TRIO: variants seen among roughly 807,000 people sequenced by gnomAD.
TRIO encodes the protein trio Rho guanine nucleotide exchange factor, also known as triple functional domain protein.
Under a neutral mutation model 351.9 loss-of-function variants are expected in TRIO, and 58 were observed. The ratio of observed to expected loss-of-function variants is 0.16; its 90% CI spans 0.13 to 0.21. The LOEUF is 0.21. TRIO is among the 10% of genes least tolerant of loss of function. The pLI is 1.00. For missense variants in TRIO, 3,201 were observed against 4,027.8 expected, an observed-to-expected ratio of 0.79 and a Z score of 5.56; for synonymous variants, 1,758 against 1,595.7, an observed-to-expected ratio of 1.10 and a Z score of -2.42.
Position 14,461,287 on chromosome 5 carries a change from C to T in TRIO, c.5472C>T (p.Thr1824=). The T allele has an allele frequency of 2.5e-6, 4 of 1,591,696 alleles. No homozygotes were observed. The South Asian group carries it at 4.5e-5, about 18-fold the overall frequency. The change falls in exon 35 of 57, where the codon ACC becomes ACT. Residue 1824 remains threonine (T), a synonymous_variant. Transcript: ENST00000344204. ...SQKDSDDSAA[T]PQDETVEERG... Reference sequence around the variant, plus strand: ...AGGACTCCGACGACAGTGCGGCCACCCCGCAGGACGAGACGGTCGAGGAGG... The same window carrying T: ...AGGACTCCGACGACAGTGCGGCCACTCCGCAGGACGAGACGGTCGAGGAGG...
At chr5:14,490,272 C>G (rs1266563780) in intron 48 of TRIO, among the ~76,000 whole-genome samples, 1 of 152,196 alleles carries the variant, frequency 6.6e-6, no homozygotes, top group African/African-American at 2.4e-5. Context: ...GAGGGAGACT[C>G]CGTCTCAAAA....
chr5:14,316,586 C>T lies in TRIO; in HGVS notation c.1574C>T (p.Thr525Ile). ...PLTPGSSDSLTASANYSKAVH... is the reference protein window; with the variant it reads ...PLTPGSSDSLIASANYSKAVH... ...ACTCCCGGCAGCTCCGATTCCCTGA[C>T]AGCCTCTGCCAACTACTCCAAGGCC... Residue 525 changes from threonine (T) to isoleucine (I), a missense_variant, in exon 9 of 57, where the codon ACA (threonine) becomes ATA (isoleucine). Physicochemically the swap from Thr to Ile is moderately conservative, Grantham distance 89. Transcript: ENST00000344204. 6.2e-7 allele frequency: 1 copy of T among 1,614,240 alleles called. No homozygotes were observed. Among genetic ancestry groups the T allele is most frequent in the Non-Finnish European group, 8.5e-7 (1 of 1,180,040 alleles).
At chr5:14,316,057 A>T (rs376408389) in intron 8 of TRIO, among the ~76,000 whole-genome samples, 34 of 152,356 alleles carry the variant, frequency 2.2e-4, no homozygotes, top group African/African-American at 7.9e-4. Flanking sequence ...GCTTTAAGGA[A>T]CAATTTTGTT....
chr5:14,171,913 CTT>C (rs1433439576), intron 1 of TRIO, among the ~76,000 whole-genome samples: 3 of 152,166 alleles, frequency 2.0e-5, no homozygotes, highest in Admixed American at 6.5e-5. Flanking sequence ...TATACACACT[CTT>C]TTCCATTTTG....
chr5:14,194,701 G>GT, intron 1 of TRIO, among the ~76,000 whole-genome samples: 1 of 152,300 alleles, frequency 6.6e-6, no homozygotes, highest in East Asian at 1.9e-4. Flanking sequence ...GAGGAATAGT[G>GT]TATAGCCTTT....
intron 33 of TRIO, among the ~76,000 whole-genome samples, chr5:14,416,183 C>T (rs891111985): frequency 2.0e-5 from 3 of 149,188 alleles, no homozygotes; most frequent in Non-Finnish European, 4.4e-5. Flanking sequence ...ACGTAACATA[C>T]GAGATAGTGG....
chr5:14,315,220 G>A (rs1739274932), intron 8 of TRIO, among the ~76,000 whole-genome samples: 1 of 149,510 alleles, frequency 6.7e-6, no homozygotes, highest in Non-Finnish European at 1.5e-5. Flanking sequence ...CTGGGCTTGT[G>A]TCTGTTAAAA....
chr5:14,456,591 G>A (rs974312610), intron 34 of TRIO, among the ~76,000 whole-genome samples: 2 of 152,196 alleles, frequency 1.3e-5, no homozygotes, highest in African/African-American at 4.8e-5. Context: ...CTGGGCAGGG[G>A]GTCTCATGCT....
At chr5:14,421,039 T>C (rs1750083775) in intron 34 of TRIO, among the ~76,000 whole-genome samples, 1 of 152,082 alleles carries the variant, frequency 6.6e-6, no homozygotes, top group African/African-American at 2.4e-5. Context: ...TGTTTTTCCC[T>C]ATGATACTCT....
Position 14,474,055 on chromosome 5 carries a change from T to G in TRIO, c.6041T>G (p.Ile2014Ser). The G allele has an allele frequency of 6.2e-7, 1 of 1,613,334 alleles. No homozygotes were observed. The highest frequency in any genetic ancestry group is 1.1e-5 in the South Asian group (1 of 91,022). ...GATGACATGAAAGGAAAAGACAAAA[T>G]TGTGTTCGGCAACATCCATCAGATT... The part of the protein sequence containing the change: ...VPDDMKGKDK[I>S]VFGNIHQIYD... Residue 2014 changes from isoleucine (I) to serine (S), a missense_variant, in exon 40 of 57, where the codon ATT (isoleucine) becomes AGT (serine). Coordinates refer to ENST00000344204, the MANE Select transcript of TRIO (RefSeq NM_007118.4).
In TRIO at chr5:14,387,582, A is replaced by G. The variant is rs777680453; in HGVS notation, c.3715A>G (p.Arg1239Gly). The part of the protein sequence containing the change: ...RDFSLRMEKY[R>G]TSLEKALGIS... ...TTTCTCTCTGCGGATGGAGAAGTAC[A>G]GGACCTCTTTGGAAAAAGCCCTGGG... is the stretch of plus-strand genomic sequence containing the variant. Residue 1239 changes from arginine to glycine, a missense_variant, in exon 22 of 57, where the codon AGG becomes GGG. Arg to Gly is a moderately radical substitution (Grantham distance 125, BLOSUM62 -2). This residue lies in a region of TRIO where 201 missense variants were observed against 266.5 expected (regional missense o/e 0.75). Transcript: ENST00000344204. 5 of 1,614,012 alleles carry G rather than the reference A, an allele frequency of 3.1e-6. No homozygotes were observed. Among genetic ancestry groups the G allele is most frequent in the Non-Finnish European group, 4.2e-6 (5 of 1,179,914 alleles).
rs1361380516 is a variant in TRIO, at chr5:14,403,988, C to CAGGTTGTGGTGAGGGTGT, written c.4717-1830_4717-1813dup. Among the ~76,000 whole-genome samples the CAGGTTGTGGTGAGGGTGT allele has an allele frequency of 1.6e-3, 156 of 97,074 alleles. 1 individual carries two copies. Among genetic ancestry groups the CAGGTTGTGGTGAGGGTGT allele is most frequent in the Non-Finnish European group, 2.5e-3 (122 of 49,040 alleles). The allele number at this position is 97,074 out of a possible 152,430, so 63.7% of individuals were successfully genotyped here. On this transcript the variant is annotated intron_variant, in intron 31 of 56. Transcript: ENST00000344204. ...GGTGAGGGTACAGGTGGTGAGGGTG[C>CAGGTTGTGGTGAGGGTGT]AGGTTGTGGTGAGGGTGTAGGTTGT...
chr5:14,155,018 T>C (rs1788028397), intron 1 of TRIO, among the ~76,000 whole-genome samples: 1 of 152,230 alleles, frequency 6.6e-6, no homozygotes, highest in Admixed American at 6.5e-5. Context: ...GATACAAAGC[T>C]CAGGTCCGAA....
At chr5:14,307,671 T>C (rs965149375) in intron 8 of TRIO, among the ~76,000 whole-genome samples, 1 of 152,192 alleles carries the variant, frequency 6.6e-6, no homozygotes, top group Non-Finnish European at 1.5e-5. Context: ...TTTAAAAAAT[T>C]AGTCTTTGCT....
chr5:14,489,144 G>A (rs1281105805), intron 48 of TRIO: 2 of 676,884 alleles, frequency 3.0e-6, no homozygotes, highest in Non-Finnish European at 5.4e-6. Flanking sequence ...TCTCTAAAAG[G>A]GTCTGTGTCT....
chr5:14,143,593 G>A lies in TRIO; in HGVS notation c.-133G>A, dbSNP rs1052462920. The A allele has an allele frequency of 1.1e-5, 2 of 189,392 alleles. No individual in the cohort carries two copies. The highest frequency in any genetic ancestry group is 1.6e-4 in the South Asian group (1 of 6,232). 11.7% of individuals were successfully genotyped at this position (189,392 alleles called of 1,614,324 possible). A position where few individuals can be genotyped will look rare whatever the true frequency, so the allele number is the denominator to read the frequency against. On this transcript the variant is annotated 5_prime_UTR_variant, in exon 1 of 57. Transcript: ENST00000344204. Reference sequence around the variant, plus strand: ...CGCCGCCGCCGCCCCCCGCCGCCCCGGGGCTCTGCGTCCGCGCGCCGGGCG... The same window carrying A: ...CGCCGCCGCCGCCCCCCGCCGCCCCAGGGCTCTGCGTCCGCGCGCCGGGCG...
At position 14,498,546 on chromosome 5, in the gene TRIO, T is replaced by G. The variant is rs757359336; in HGVS notation, c.8238T>G (p.Ile2746Met). ...ACCTGGGAGAGGCCACGCTGAAGAT[T>G]GTGGGCGTGACCACGGAAGATGACG... The part of the protein sequence containing the change: ...YSDLGEATLK[I>M]VGVTTEDDGI... Residue 2746 changes from isoleucine to methionine, a missense_variant, in exon 53 of 57, where the codon ATT (isoleucine) becomes ATG (methionine). Physicochemically the swap from Ile to Met is conservative, Grantham distance 10. Coordinates refer to ENST00000344204, the MANE Select transcript of TRIO (RefSeq NM_007118.4). The G allele has an allele frequency of 6.2e-7, 1 of 1,614,176 alleles. No individual in the cohort carries two copies. The highest frequency in any genetic ancestry group is 8.5e-7 in the Non-Finnish European group (1 of 1,180,004).
intron 7 of TRIO, among the ~76,000 whole-genome samples, chr5:14,304,167 C>T (rs1738161965): frequency 6.6e-6 from 1 of 152,048 alleles, no homozygotes; most frequent in African/African-American, 2.4e-5. Context: ...CTAGAATGCC[C>T]AAAACAGGGC....
At chr5:14,202,008 A>G (rs1005384325) in intron 1 of TRIO, among the ~76,000 whole-genome samples, 4 of 151,480 alleles carry the variant, frequency 2.6e-5, no homozygotes, top group African/African-American at 4.9e-5. Flanking sequence ...TAGGAGATAT[A>G]CCTAATGTAA....
Sources: allele counts gnomAD v4.1 joint callset (sites outside exome capture counted in the v4.1 genomes callset), GRCh38; gene constraint gnomAD v4.1.1; regional missense constraint gnomAD v4.1.1; transcripts MANE v1.5; gene names NCBI Gene and HGNC (gene_info 2026-07-23, HGNC 2026-07-21).